KLHL13: variants seen among roughly 807,000 people sequenced by gnomAD.
KLHL13 encodes the protein kelch-like protein 13.
Under a neutral mutation model 37.1 loss-of-function variants are expected in KLHL13, and 10 were observed. That is an observed-to-expected ratio of 0.27 (90% CI 0.17 to 0.46). The LOEUF (loss-of-function observed/expected upper bound fraction) is 0.46, where lower values mean the gene tolerates loss of function less well. Among genes scored for constraint, KLHL13 ranks in the 20% least tolerant of loss-of-function variants. The probability of loss-of-function intolerance (pLI) is 1.00; values close to 1 mark genes in which losing one functional copy is unlikely to be tolerated. For missense variants in KLHL13, 360 were observed against 509.3 expected (o/e 0.71, Z 2.82); for synonymous variants, 163 against 181.2 (o/e 0.90, Z 0.81).
At chrX:118,090,145 G>A (rs1253835582) in intron 1 of KLHL13, among the ~76,000 whole-genome samples, 1 of 108,549 alleles carries the variant, frequency 9.2e-6, no homozygotes, top group Non-Finnish European at 1.9e-5. Context: ...ATTCAAGATG[G>A]ATTAAAGACT....
chrX:118,088,891 T>A (rs767409339), intron 1 of KLHL13, among the ~76,000 whole-genome samples: 1 of 111,479 alleles, frequency 9.0e-6, no homozygotes, highest in Non-Finnish European at 1.9e-5. Context: ...ACCCAAGGAA[T>A]AGCACAGTGG....
chrX:118,040,077 A>G (rs2054491796), intron 1 of KLHL13, among the ~76,000 whole-genome samples: 1 of 111,634 alleles, frequency 9.0e-6, no homozygotes, highest in Non-Finnish European at 1.9e-5. Context: ...CACAGTGACC[A>G]AAGACTTAGA....
chrX:117,935,697 C>T (rs753578382), intron 2 of KLHL13, among the ~76,000 whole-genome samples: 2 of 110,922 alleles, frequency 1.8e-5, no homozygotes, highest in South Asian at 7.8e-4. Flanking sequence ...CTCACTATCA[C>T]GAGAACAGCA....
chrX:117,956,910 T>G (rs757974210), intron 1 of KLHL13, among the ~76,000 whole-genome samples: 2 of 112,581 alleles, frequency 1.8e-5, no homozygotes, highest in African/African-American at 6.4e-5. Context: ...GGTAATGAAT[T>G]TGACTACATA....
At chrX:118,085,389 A>C (rs1482914915) in intron 1 of KLHL13, among the ~76,000 whole-genome samples, 1 of 111,163 alleles carries the variant, frequency 9.0e-6, no homozygotes, top group Non-Finnish European at 1.9e-5. Context: ...GAGGGGAGAT[A>C]GACTTTATTA....
At chrX:118,080,624 G>A (rs966356015) in intron 1 of KLHL13, among the ~76,000 whole-genome samples, 3 of 111,844 alleles carry the variant, frequency 2.7e-5, no homozygotes. Context: ...ATGTCAGTGA[G>A]GCTGCAGAGA....
intron 1 of KLHL13, among the ~76,000 whole-genome samples, chrX:117,963,847 G>A (rs1249518359): frequency 1.9e-5 from 2 of 106,537 alleles, no homozygotes; most frequent in Admixed American, 1.0e-4. Flanking sequence ...ATACACCATG[G>A]AATACTATGC....
upstream of KLHL13, among the ~76,000 whole-genome samples, chrX:117,976,562 C>T (rs1250079093): frequency 8.9e-6 from 1 of 111,903 alleles, no homozygotes; most frequent in African/African-American, 3.2e-5. Flanking sequence ...AATGATTCAA[C>T]ATATATTTTA....
intron 1 of KLHL13, among the ~76,000 whole-genome samples, chrX:118,096,792 G>A (rs2055212024): frequency 2.7e-5 from 3 of 111,688 alleles, no homozygotes; most frequent in African/African-American, 9.7e-5. Flanking sequence ...ATCAATAAAC[G>A]TAATCCAGCA....
At chrX:118,109,826 T>C (rs2055387361) in intron 1 of KLHL13, among the ~76,000 whole-genome samples, 1 of 111,602 alleles carries the variant, frequency 9.0e-6, no homozygotes. Context: ...GCAAGAAAAC[T>C]GCAGAAAAAA....
At chrX:118,035,797 C>A (rs1466072693) in intron 1 of KLHL13, among the ~76,000 whole-genome samples, 2 of 106,228 alleles carry the variant, frequency 1.9e-5, no homozygotes, top group South Asian at 4.1e-4. Context: ...AAGAGGAAGT[C>A]AAATTGTCCC....
At chrX:118,015,656 A>G (rs985760859) in intron 1 of KLHL13, among the ~76,000 whole-genome samples, 1 of 111,274 alleles carries the variant, frequency 9.0e-6, no homozygotes, top group African/African-American at 3.3e-5. Flanking sequence ...AATATATAAA[A>G]CATGCAACAT....
intron 1 of KLHL13, among the ~76,000 whole-genome samples, chrX:117,990,186 T>G (rs370749656): frequency 4.5e-5 from 5 of 111,646 alleles, no homozygotes; most frequent in East Asian, 5.6e-4. Context: ...CCTAAATGGC[T>G]CCTTTTGATG....
intron 1 of KLHL13, among the ~76,000 whole-genome samples, chrX:118,039,749 T>C (rs2054487910): frequency 9.0e-6 from 1 of 111,296 alleles, no homozygotes; most frequent in South Asian, 3.8e-4. Flanking sequence ...ACATAAGCAG[T>C]AGCCAGGAAG....
intron 1 of KLHL13, among the ~76,000 whole-genome samples, chrX:118,090,398 A>G (rs2055117341): frequency 8.9e-6 from 1 of 111,777 alleles, no homozygotes; most frequent in African/African-American, 3.3e-5. Flanking sequence ...TAATATTCAG[A>G]ATCTACAATG....
chrX:118,108,981 AT>A (rs1192610094), intron 1 of KLHL13, among the ~76,000 whole-genome samples: 23 of 109,674 alleles, frequency 2.1e-4, no homozygotes, highest in Non-Finnish European at 4.2e-4. Flanking sequence ...TAATTTTTAA[AT>A]TTTTTTTTGT....
intron 1 of KLHL13, chrX:117,947,753 A>T (rs188085585): frequency 1.8e-5 from 2 of 111,758 alleles, no homozygotes; most frequent in Admixed American, 9.5e-5. Flanking sequence ...TGCTTTGGTA[A>T]CAGTACATGC....
chrX:118,015,748 G>A (rs754441159), intron 1 of KLHL13, among the ~76,000 whole-genome samples: 11 of 111,597 alleles, frequency 9.9e-5, no homozygotes, highest in East Asian at 2.8e-4. Flanking sequence ...TTTCATGTGC[G>A]TCTACCATAA....
chrX:117,992,583 T>C (rs1334098083), intron 1 of KLHL13, among the ~76,000 whole-genome samples: 4 of 108,782 alleles, frequency 3.7e-5, no homozygotes, highest in African/African-American at 1.4e-4. Flanking sequence ...TTCTCTGTTT[T>C]GCTAAGGCTG....
Sources: gnomAD v4.1 joint callset for allele counts (sites outside exome capture counted in the v4.1 genomes callset) on GRCh38, gnomAD v4.1.1 for gene constraint, MANE v1.5 for transcripts, NCBI Gene and HGNC (gene_info 2026-07-23, HGNC 2026-07-21) for gene names.